Variants in SCFD2 observed in about 807,000 individuals in gnomAD.
The protein encoded by SCFD2 is sec1 family domain containing 2.
A neutral mutation model predicts 58.9 loss-of-function variants in SCFD2; 54 were observed. That is an observed-to-expected ratio of 0.92 (90% CI 0.74 to 1.15). SCFD2 has a LOEUF of 1.15. Among genes scored for constraint, SCFD2 ranks in the 50% most tolerant of loss-of-function variants. The probability of loss-of-function intolerance (pLI) is 0.00; values close to 1 mark genes in which losing one functional copy is unlikely to be tolerated. For synonymous variants in SCFD2, 321 were observed against 335.9 expected, an observed-to-expected ratio of 0.96 and a Z score of 0.49; for missense variants, 805 against 836.6, an observed-to-expected ratio of 0.96 and a Z score of 0.47.
At chr4:53,259,257 C>T (rs563629082) in intron 4 of SCFD2, among the ~76,000 whole-genome samples, 212 of 152,268 alleles carry the variant, frequency 1.4e-3, no homozygotes, top group African/African-American at 5.1e-3. Context: ...GTTTTTGTTG[C>T]ATTTGCTTTT....
chr4:53,262,371 G>A (rs1488591609), intron 4 of SCFD2, among the ~76,000 whole-genome samples: 1 of 152,104 alleles, frequency 6.6e-6, no homozygotes, highest in Non-Finnish European at 1.5e-5. Context: ...GCTTTAAGGA[G>A]GTTCTATTTT....
chr4:52,975,778 G>T (rs969379210), intron 5 of SCFD2, among the ~76,000 whole-genome samples: 1 of 152,080 alleles, frequency 6.6e-6, no homozygotes, highest in Non-Finnish European at 1.5e-5. Context: ...CAACTCAAAT[G>T]TCCAACAATG....
At chr4:52,936,100 G>A (rs762809803) in intron 5 of SCFD2, among the ~76,000 whole-genome samples, 1 of 152,116 alleles carries the variant, frequency 6.6e-6, no homozygotes, top group South Asian at 2.1e-4. Context: ...TCCTCCCAAA[G>A]TGCTGGGATT....
chr4:53,302,915 T>C (rs1732366347), intron 3 of SCFD2, among the ~76,000 whole-genome samples: 1 of 152,170 alleles, frequency 6.6e-6, no homozygotes, highest in Non-Finnish European at 1.5e-5. Context: ...GAGCTGAAAC[T>C]GGATCCCTTC....
chr4:53,262,416 C>T (rs115540702), intron 4 of SCFD2, among the ~76,000 whole-genome samples: 402 of 152,250 alleles, frequency 2.6e-3, no homozygotes, highest in African/African-American at 9.2e-3. Context: ...AGATTTAGAA[C>T]TCCTTTCAGC....
intron 4 of SCFD2, among the ~76,000 whole-genome samples, chr4:53,255,893 T>A (rs1434868513): frequency 7.4e-6 from 1 of 135,842 alleles, no homozygotes; most frequent in Admixed American, 6.9e-5. Context: ...GCAGAGGGGC[T>A]CCTCACTTCC....
At chr4:53,071,074 C>T (rs1365362046) in intron 5 of SCFD2, among the ~76,000 whole-genome samples, 1 of 152,046 alleles carries the variant, frequency 6.6e-6, no homozygotes, top group Non-Finnish European at 1.5e-5. Context: ...GGCCTTCTTT[C>T]ACTCCCTCCT....
chr4:53,346,277 CTTTT>C (rs58195090), intron 2 of SCFD2, among the ~76,000 whole-genome samples: 1 of 135,256 alleles, frequency 7.4e-6, no homozygotes, highest in Non-Finnish European at 1.6e-5. Context: ...CTTTTTTTTT[CTTTT>C]TTTTTTTTTT....
chr4:53,019,463 T>C (rs1722294864), intron 5 of SCFD2, among the ~76,000 whole-genome samples: 1 of 152,206 alleles, frequency 6.6e-6, no homozygotes, highest in South Asian at 2.1e-4. Flanking sequence ...AAAATGTTTA[T>C]CTTCATACTT....
At chr4:53,359,856 T>C (rs1309631763) in intron 1 of SCFD2, among the ~76,000 whole-genome samples, 1 of 152,150 alleles carries the variant, frequency 6.6e-6, no homozygotes, top group Non-Finnish European at 1.5e-5. Flanking sequence ...GCCACTAACA[T>C]CATCTACCCT....
Position 53,352,808 on chromosome 4 carries a change from G to A in SCFD2, c.839-42C>T, listed in dbSNP as rs774968551. The stretch of plus-strand genomic sequence containing the variant: ...GATGATGTAAATTCATAAAATGGGA[G>A]GAAAAAGCAAGTTGGATAAATGTTT... On this transcript the variant is annotated intron_variant, in intron 1 of 8. Coordinates refer to ENST00000401642, the MANE Select transcript of SCFD2 (RefSeq NM_152540.4). 5.2e-6 allele frequency: 8 copies of A among 1,536,784 alleles called. No individual in the cohort carries two copies. In the East Asian group the frequency reaches 9.1e-5, roughly 18 times the overall value.
At chr4:53,170,912 T>A (rs1727160045) in intron 4 of SCFD2, among the ~76,000 whole-genome samples, 1 of 152,220 alleles carries the variant, frequency 6.6e-6, no homozygotes, top group African/African-American at 2.4e-5. Context: ...ATGTATTAGT[T>A]CTAACAGCTT....
chr4:53,259,322 T>C (rs182140972), intron 4 of SCFD2, among the ~76,000 whole-genome samples: 9 of 152,290 alleles, frequency 5.9e-5, no homozygotes, highest in Admixed American at 3.9e-4. Context: ...GTTTGTCCGA[T>C]GTTATCTTCT....
chr4:53,189,504 C>T lies in SCFD2; in HGVS notation c.1312-43922G>A, dbSNP rs371308855. ...AAGACATTTCTTAGCTTGCAAACTT[C>T]GCTTCCTTCTTGGCTGTATCCTTGC... On this transcript the variant is annotated intron_variant, in intron 4 of 8. Coordinates refer to ENST00000401642, the MANE Select transcript of SCFD2 (RefSeq NM_152540.4). 6.6e-5 allele frequency among the ~76,000 whole-genome samples: 10 copies of T among 152,272 alleles called. No individual in the cohort carries two copies. In the South Asian group the frequency reaches 1.2e-3, roughly 19 times the overall value.
intron 7 of SCFD2, among the ~76,000 whole-genome samples, chr4:52,889,031 C>T (rs116255525): frequency 0.038 from 5,835 of 152,272 alleles, 419 homozygotes; most frequent in African/African-American, 0.13. Context: ...GTCACCTGAG[C>T]CAGGCACATG....
intron 5 of SCFD2, among the ~76,000 whole-genome samples, chr4:53,101,142 T>G (rs1005036189): frequency 6.6e-6 from 1 of 152,184 alleles, no homozygotes; most frequent in African/African-American, 2.4e-5. Context: ...ACTTCAGCTT[T>G]CATGCATTAT....
chr4:53,216,900 T>A (rs1451470309), intron 4 of SCFD2, among the ~76,000 whole-genome samples: 7 of 152,260 alleles, frequency 4.6e-5, no homozygotes, highest in Non-Finnish European at 1.0e-4. Flanking sequence ...CATTTCGTTA[T>A]GTACCCAGTA....
At chr4:53,232,218 A>T (rs1477514765) in intron 4 of SCFD2, among the ~76,000 whole-genome samples, 1 of 152,176 alleles carries the variant, frequency 6.6e-6, no homozygotes, top group Non-Finnish European at 1.5e-5. Context: ...AAAACAGTTC[A>T]CTTACAAAAA....
In SCFD2 at chr4:53,330,338, C is replaced by A. The variant is rs1434458750; in HGVS notation, c.1008-16575G>T. 3.3e-5 allele frequency among the ~76,000 whole-genome samples: 5 copies of A among 151,764 alleles called. No homozygotes were observed. In the East Asian group the frequency reaches 9.7e-4, roughly 29 times the overall value. On this transcript the variant is annotated intron_variant, in intron 2 of 8. Coordinates refer to ENST00000401642, the MANE Select transcript of SCFD2 (RefSeq NM_152540.4). ...ATGAAGGAAAAAATGTTCAGGGCAG[C>A]CAGAGAGAAAGGTCGGGTTACCCTC...
Sources: allele counts gnomAD v4.1 joint callset (sites outside exome capture counted in the v4.1 genomes callset), GRCh38; gene constraint gnomAD v4.1.1; transcripts MANE v1.5; gene names NCBI Gene and HGNC (gene_info 2026-07-23, HGNC 2026-07-21).